The following ATP6V1H variants were observed in gnomAD, a reference collection of about 807,000 sequenced individuals.
ATP6V1H encodes ATPase H+ transporting V1 subunit H, also known as V-type proton ATPase subunit H.
In ATP6V1H, 39 loss-of-function variants were observed where a neutral mutation model predicts 71.7. The observed-to-expected ratio is 0.54, with a 90% confidence interval of 0.42 to 0.71. The LOEUF is 0.71. Ranked by LOEUF, ATP6V1H falls within the 30% of genes least tolerant of loss-of-function variation. The pLI, the probability that ATP6V1H is intolerant of heterozygous loss-of-function variation, is 0.00. For missense variants in ATP6V1H, 509 were observed against 594.9 expected (o/e 0.86, Z 1.50); for synonymous variants, 192 against 199.3 (o/e 0.96, Z 0.31).
At chr8:53,798,432 A>G (rs368513474) in intron 8 of ATP6V1H, among the ~76,000 whole-genome samples, 169 of 152,204 alleles carry the variant, frequency 1.1e-3, no homozygotes, top group African/African-American at 3.6e-3. Flanking sequence ...GCTGAGGCAG[A>G]ATTATTTGAA....
At chr8:53,718,385 T>A (rs918145625) in intron 13 of ATP6V1H, among the ~76,000 whole-genome samples, 6 of 62,774 alleles carry the variant, frequency 9.6e-5, no homozygotes, top group African/African-American at 4.7e-4. Context: ...TCCTACACAA[T>A]TTTTTTTTTT....
chr8:53,791,525 T>G (rs1809563971), intron 9 of ATP6V1H, among the ~76,000 whole-genome samples: 1 of 152,236 alleles, frequency 6.6e-6, no homozygotes, highest in Non-Finnish European at 1.5e-5. Flanking sequence ...AGAAGTCACC[T>G]GGGTCAGGGA....
chr8:53,806,023 T>C (rs949740189), intron 7 of ATP6V1H, among the ~76,000 whole-genome samples: 1 of 152,172 alleles, frequency 6.6e-6, no homozygotes, highest in Non-Finnish European at 1.5e-5. Context: ...TATACATTTA[T>C]CTCGCTGAAC....
intron 10 of ATP6V1H, among the ~76,000 whole-genome samples, chr8:53,770,251 G>A (rs567515856): frequency 4.5e-4 from 69 of 152,180 alleles, no homozygotes; most frequent in African/African-American, 1.7e-3. Flanking sequence ...ATTACAAAGA[G>A]TGTAGACATA....
intron 2 of ATP6V1H, among the ~76,000 whole-genome samples, chr8:53,834,642 T>C (rs1253005361): frequency 1.3e-5 from 2 of 152,102 alleles, no homozygotes; most frequent in Non-Finnish European, 2.9e-5. Flanking sequence ...GCCGGGCTGC[T>C]CTCGAACTCC....
intron 13 of ATP6V1H, among the ~76,000 whole-genome samples, chr8:53,735,126 T>C (rs1807156795): frequency 6.6e-6 from 1 of 152,180 alleles, no homozygotes; most frequent in Non-Finnish European, 1.5e-5. Flanking sequence ...TACTAGCTTA[T>C]GGAACAGCCC....
chr8:53,762,280 C>T (rs1367049705), intron 11 of ATP6V1H, among the ~76,000 whole-genome samples: 1 of 149,020 alleles, frequency 6.7e-6, no homozygotes, highest in Non-Finnish European at 1.5e-5. Flanking sequence ...AAAAATCACA[C>T]ACAAAGGAAT....
At chr8:53,769,771 G>A (rs1563457831) in intron 10 of ATP6V1H, 28 bp from the exon 11 acceptor site, 2 of 1,566,686 alleles carry the variant, frequency 1.3e-6, no homozygotes, top group South Asian at 2.4e-5. Context: ...AGAATTCAAG[G>A]TTTATAAGAA....
At position 53,782,758 on chromosome 8, in the gene ATP6V1H, T is replaced by C. The variant is rs921751210; in HGVS notation, c.871-10591A>G. Among the ~76,000 whole-genome samples the C allele has an allele frequency of 1.8e-4, 27 of 152,348 alleles. 1 individual carries two copies. In the East Asian group the frequency reaches 5.0e-3, roughly 28 times the overall value. Reference sequence around the variant, plus strand: ...TGAGAGTTTTTAGCATGAAGGGTTGTTGAATTTTGTCAAAGGCCTTTTCTG... The same window carrying C: ...TGAGAGTTTTTAGCATGAAGGGTTGCTGAATTTTGTCAAAGGCCTTTTCTG... On this transcript the variant is annotated intron_variant, in intron 9 of 13. Coordinates refer to ENST00000359530, the MANE Select transcript of ATP6V1H (RefSeq NM_015941.4).
intron 4 of ATP6V1H, among the ~76,000 whole-genome samples, chr8:53,827,631 CA>C (rs930156004): frequency 6.6e-6 from 1 of 151,930 alleles, no homozygotes; most frequent in Admixed American, 6.6e-5. Flanking sequence ...ATTTTAGGTT[CA>C]GGGGTACATG....
chr8:53,718,977 AAAG>A (rs1301621682), intron 13 of ATP6V1H, among the ~76,000 whole-genome samples: 2 of 152,282 alleles, frequency 1.3e-5, no homozygotes, highest in East Asian at 1.9e-4. Flanking sequence ...GGATTCATGG[AAAG>A]AAGAATACAA....
intron 9 of ATP6V1H, among the ~76,000 whole-genome samples, chr8:53,779,679 C>A (rs1278326909): frequency 1.3e-5 from 2 of 151,854 alleles, no homozygotes; most frequent in African/African-American, 4.8e-5. Flanking sequence ...AAACTCTTCC[C>A]CTCTTCCTTT....
At chr8:53,818,263 A>T (rs1032014757) in intron 4 of ATP6V1H, among the ~76,000 whole-genome samples, 1 of 151,426 alleles carries the variant, frequency 6.6e-6, no homozygotes, top group South Asian at 2.1e-4. Flanking sequence ...AACTTTTATT[A>T]ATTTATTTAT....
chr8:53,764,712 T>C (rs1808389494), intron 11 of ATP6V1H, among the ~76,000 whole-genome samples: 1 of 152,208 alleles, frequency 6.6e-6, no homozygotes, highest in Non-Finnish European at 1.5e-5. Flanking sequence ...ATAAAAGAAA[T>C]AATTACAGCA....
At chr8:53,794,738 G>A (rs1412363093) in intron 9 of ATP6V1H, among the ~76,000 whole-genome samples, 1 of 152,140 alleles carries the variant, frequency 6.6e-6, no homozygotes, top group African/African-American at 2.4e-5. Flanking sequence ...AGATTCTACA[G>A]CCAACATTCT....
Position 53,715,700 on chromosome 8 carries a change from T to G in ATP6V1H, c.*264A>C. The stretch of plus-strand genomic sequence containing the variant: ...AGTGAGAATCCTTTAATAACTATAT[T>G]TATTTCCAGAGAACAATAAATACAG... On this transcript the variant is annotated 3_prime_UTR_variant, in exon 14 of 14. Coordinates refer to ENST00000359530, the MANE Select transcript of ATP6V1H (RefSeq NM_015941.4). The G allele has an allele frequency of 2.9e-6, 1 of 345,008 alleles. No homozygotes were observed. Among genetic ancestry groups the G allele is most frequent in the Non-Finnish European group, 5.2e-6 (1 of 194,074 alleles). 21.4% of individuals were successfully genotyped at this position (345,008 alleles called of 1,614,324 possible).
At chr8:53,724,663 A>C (rs1806746787) in intron 13 of ATP6V1H, among the ~76,000 whole-genome samples, 1 of 149,134 alleles carries the variant, frequency 6.7e-6, no homozygotes, top group Non-Finnish European at 1.5e-5. Flanking sequence ...GCTGAGCTGA[A>C]GAAGCCTGGA....
At chr8:53,803,012 A>C (rs1382526914) in intron 7 of ATP6V1H, among the ~76,000 whole-genome samples, 1 of 152,170 alleles carries the variant, frequency 6.6e-6, no homozygotes, top group Non-Finnish European at 1.5e-5. Flanking sequence ...TTTTCCTTAA[A>C]TATGTACAAT....
chr8:53,783,420 G>C (rs1262613619), intron 9 of ATP6V1H, among the ~76,000 whole-genome samples: 2 of 152,048 alleles, frequency 1.3e-5, no homozygotes, highest in African/African-American at 4.8e-5. Context: ...GTGTCTATTT[G>C]ATTCTTCTCT....
Sources: allele counts gnomAD v4.1 joint callset (sites outside exome capture counted in the v4.1 genomes callset), GRCh38; gene constraint gnomAD v4.1.1; transcripts MANE v1.5; gene names NCBI Gene and HGNC (gene_info 2026-07-23, HGNC 2026-07-21).